The following KCNU1 variants were observed in gnomAD, a reference collection of about 807,000 sequenced individuals.
The protein encoded by KCNU1 is potassium channel subfamily U member 1.
A neutral mutation model predicts 126.8 loss-of-function variants in KCNU1; 93 were observed. That is an observed-to-expected ratio of 0.73 (90% CI 0.62 to 0.87). The LOEUF (loss-of-function observed/expected upper bound fraction) is 0.87, where lower values mean the gene tolerates loss of function less well. KCNU1 is among the 40% of genes least tolerant of loss of function. KCNU1 has a pLI of 0.00. For missense variants in KCNU1, 1,330 were observed against 1,367.1 expected, an observed-to-expected ratio of 0.97 and a Z score of 0.43; for synonymous variants, 523 against 494.2, an observed-to-expected ratio of 1.06 and a Z score of -0.77.
At chr8:36,843,765 G>C (rs1276748523) in intron 16 of KCNU1, among the ~76,000 whole-genome samples, 4 of 152,300 alleles carry the variant, frequency 2.6e-5, no homozygotes, top group Admixed American at 2.0e-4. Flanking sequence ...TGGCAAGCTT[G>C]AAGAGATCCT....
intron 1 of KCNU1, 101 bp downstream of exon 1, chr8:36,784,706 C>A: frequency 1.1e-6 from 1 of 946,652 alleles, no homozygotes; most frequent in Non-Finnish European, 1.6e-6. Flanking sequence ...GTTTTTCAAG[C>A]TAACAGAGTC....
At chr8:36,827,417 A>C (rs1351779527) in intron 10 of KCNU1, among the ~76,000 whole-genome samples, 2 of 152,192 alleles carry the variant, frequency 1.3e-5, no homozygotes, top group Non-Finnish European at 2.9e-5. Flanking sequence ...TGTGACCACG[A>C]AATGTTATCT....
rs374557583 is a variant in KCNU1 at position 36,923,286 on chromosome 8, C to T, written c.2736+657C>T. Among the ~76,000 whole-genome samples the T allele has an allele frequency of 1.8e-4, 27 of 152,244 alleles. 4 individuals carry two copies. Among genetic ancestry groups the T allele is most frequent in the East Asian group, 5.8e-4 (3 of 5,170 alleles). Reference sequence around the variant, plus strand: ...ATCTGCAGTGTGAGAATGACAAAAGCCTTATCCACATGGGGCCTGCTGAGT... The same window carrying T: ...ATCTGCAGTGTGAGAATGACAAAAGTCTTATCCACATGGGGCCTGCTGAGT... On this transcript the variant is annotated intron_variant, in intron 24 of 26. Coordinates refer to ENST00000399881, the MANE Select transcript of KCNU1 (RefSeq NM_001031836.3).
intron 2 of KCNU1, among the ~76,000 whole-genome samples, chr8:36,799,419 T>A (rs977625733): frequency 6.6e-6 from 1 of 151,914 alleles, no homozygotes; most frequent in African/African-American, 2.4e-5. Flanking sequence ...GTTCAGGGAA[T>A]CATCTTTTGC....
intron 10 of KCNU1, among the ~76,000 whole-genome samples, chr8:36,826,350 T>C (rs1301680540): frequency 6.6e-6 from 1 of 151,778 alleles, no homozygotes; most frequent in Non-Finnish European, 1.5e-5. Context: ...GCTGGAATTA[T>C]AAGTGCCCAC....
intron 19 of KCNU1, among the ~76,000 whole-genome samples, chr8:36,887,062 G>A (rs1432684205): frequency 6.6e-6 from 1 of 152,024 alleles, no homozygotes; most frequent in African/African-American, 2.4e-5. Context: ...AAGCACATAG[G>A]TTGTTTCCAT....
chr8:36,835,348 CTT>C (rs113877164), intron 12 of KCNU1, among the ~76,000 whole-genome samples: 7 of 141,606 alleles, frequency 4.9e-5, no homozygotes, highest in Non-Finnish European at 3.1e-5. Flanking sequence ...CTTTTCTTTT[CTT>C]TTTTTTTTTT....
rs1024932589 is a variant in KCNU1, at chr8:36,836,278, T to G, written c.1296-18T>G. ...GGCTATGACACATGACTAATGAGAG[T>G]GTTTGGGGTTTATATAGGGTGCTCT... On this transcript the variant is annotated intron_variant, in intron 12 of 26. Coordinates refer to ENST00000399881, the MANE Select transcript of KCNU1 (RefSeq NM_001031836.3). 3 of 1,532,388 alleles carry G rather than the reference T, an allele frequency of 2.0e-6. No homozygotes were observed. The African/African-American group carries it at 4.1e-5, about 21-fold the overall frequency. 94.9% of individuals were successfully genotyped at this position (1,532,388 alleles called of 1,614,324 possible). A position where few individuals can be genotyped will look rare whatever the true frequency, so the allele number is the denominator to read the frequency against.
Position 36,836,954 on chromosome 8 carries a change from G to C in KCNU1, c.1518+9G>C. The C allele has an allele frequency of 6.2e-7, 1 of 1,613,248 alleles. No individual in the cohort carries two copies. Among genetic ancestry groups the C allele is most frequent in the Non-Finnish European group, 8.5e-7 (1 of 1,179,372 alleles). On this transcript the variant is annotated intron_variant, in intron 14 of 26. Transcript: ENST00000399881. ...TGGAGCAAAACAAAAAGGTAACCTTGTAAATTACTGTTGATTCTTGGCTCT... is the reference window on the plus strand; with the variant it reads ...TGGAGCAAAACAAAAAGGTAACCTTCTAAATTACTGTTGATTCTTGGCTCT...
chr8:36,936,005 A>C lies in KCNU1; in HGVS notation c.*85A>C. On this transcript the variant is annotated 3_prime_UTR_variant, in exon 27 of 27. Coordinates refer to ENST00000399881, the MANE Select transcript of KCNU1 (RefSeq NM_001031836.3). ...CTAACTTTGAACAAAGAAAATAAGAATGGAAGCATGCCATTTTTCTGCCCA... is the reference window on the plus strand; with the variant it reads ...CTAACTTTGAACAAAGAAAATAAGACTGGAAGCATGCCATTTTTCTGCCCA... The C allele has an allele frequency of 7.8e-7, 1 of 1,278,974 alleles. No homozygotes were observed. Among genetic ancestry groups the C allele is most frequent in the Non-Finnish European group, 1.1e-6 (1 of 931,666 alleles). 79.2% of individuals were successfully genotyped at this position (1,278,974 alleles called of 1,614,324 possible).
chr8:36,921,962 G>A (rs1213860429), intron 23 of KCNU1, among the ~76,000 whole-genome samples: 1 of 152,146 alleles, frequency 6.6e-6, no homozygotes, highest in Non-Finnish European at 1.5e-5. Context: ...CAGTGAATCA[G>A]AATCTGCATT....
chr8:36,831,271 C>T (rs1348414331), intron 10 of KCNU1, among the ~76,000 whole-genome samples: 1 of 152,024 alleles, frequency 6.6e-6, no homozygotes, highest in Non-Finnish European at 1.5e-5. Flanking sequence ...TGGGTATATA[C>T]CCAGTAATGG....
intron 10 of KCNU1, among the ~76,000 whole-genome samples, chr8:36,823,896 G>A (rs996934445): frequency 1.4e-5 from 2 of 146,744 alleles, no homozygotes; most frequent in Non-Finnish European, 3.0e-5. Flanking sequence ...GTAGTGCAAT[G>A]GTGCGATCTC....
chr8:36,837,698 T>C (rs1206132791), intron 14 of KCNU1, among the ~76,000 whole-genome samples: 1 of 152,194 alleles, frequency 6.6e-6, no homozygotes, highest in African/African-American at 2.4e-5. Context: ...AAAGTGACTC[T>C]TGGGATAAAT....
At chr8:36,914,545 A>G (rs1364831743) in intron 22 of KCNU1, among the ~76,000 whole-genome samples, 1 of 152,124 alleles carries the variant, frequency 6.6e-6, no homozygotes, top group Non-Finnish European at 1.5e-5. Flanking sequence ...CCAAGCTAGG[A>G]CCATCAAGGC....
chr8:36,864,658 T>C (rs1213209234), intron 19 of KCNU1, 137 bp downstream of exon 19: 1 of 624,156 alleles, frequency 1.6e-6, no homozygotes, highest in Non-Finnish European at 2.9e-6. Flanking sequence ...CAAAATGAGA[T>C]CATCTCCACC....
intron 19 of KCNU1, among the ~76,000 whole-genome samples, chr8:36,888,207 A>G (rs1806794349): frequency 6.6e-6 from 1 of 152,240 alleles, no homozygotes; most frequent in African/African-American, 2.4e-5. Context: ...ACTCTGATAG[A>G]AAACATAGAC....
chr8:36,884,924 A>G (rs1418202706), intron 19 of KCNU1, among the ~76,000 whole-genome samples: 1 of 152,184 alleles, frequency 6.6e-6, no homozygotes, highest in East Asian at 1.9e-4. Context: ...TTACAATAAC[A>G]AAAAAACTAA....
chr8:36,885,407 T>C (rs924887588), intron 19 of KCNU1, among the ~76,000 whole-genome samples: 1 of 151,808 alleles, frequency 6.6e-6, no homozygotes, highest in Non-Finnish European at 1.5e-5. Flanking sequence ...ATACAAAAAT[T>C]AGCAGGGCAT....
Sources: allele counts gnomAD v4.1 joint callset (sites outside exome capture counted in the v4.1 genomes callset), GRCh38; gene constraint gnomAD v4.1.1; transcripts MANE v1.5; gene names NCBI Gene and HGNC (gene_info 2026-07-23, HGNC 2026-07-21).